AUTS2: variants seen among roughly 807,000 people sequenced by gnomAD.
AUTS2 encodes autism susceptibility gene 2 protein.
In AUTS2, 17 loss-of-function variants were observed where a neutral mutation model predicts 112.4. That is an observed-to-expected ratio of 0.15 (90% CI 0.10 to 0.23). The LOEUF (loss-of-function observed/expected upper bound fraction) is 0.23, where lower values mean the gene tolerates loss of function less well. AUTS2 is among the 10% of genes least tolerant of loss of function. AUTS2 has a pLI of 1.00. For synonymous variants in AUTS2, 751 were observed against 702.7 expected, an observed-to-expected ratio of 1.07 and a Z score of -1.09; for missense variants, 1,510 against 1,701.6, an observed-to-expected ratio of 0.89 and a Z score of 1.98.
chr7:70,647,841 A>T (rs1806255869), intron 5 of AUTS2, among the ~76,000 whole-genome samples: 1 of 152,154 alleles, frequency 6.6e-6, no homozygotes, highest in African/African-American at 2.4e-5. Context: ...TTTCTTTGGA[A>T]CTCAGACCAT....
At chr7:70,789,568 G>A (rs1177509379) in intron 18 of AUTS2, among the ~76,000 whole-genome samples, 180 bp from the exon 19 acceptor site, 1 of 152,060 alleles carries the variant, frequency 6.6e-6, no homozygotes, top group East Asian at 1.9e-4. Context: ...CTAAAATCTA[G>A]GTAAGTAGGA....
In AUTS2 at chr7:70,082,436, GT is replaced by G. The variant is rs1223509790; in HGVS notation, c.523-35690del. Among the ~76,000 whole-genome samples the G allele has an allele frequency of 2.6e-5, 4 of 152,162 alleles. No homozygotes were observed. In the East Asian group the frequency reaches 7.7e-4, roughly 29 times the overall value. ...GAGGGGAGGTTTTACTTGTGCATAT[GT>G]TTTTTAAATATTTATAGATACAGCT... On this transcript the variant is annotated intron_variant, in intron 2 of 18. Transcript: ENST00000342771.
intron 5 of AUTS2, among the ~76,000 whole-genome samples, chr7:70,471,941 G>A (rs1018761888): frequency 1.3e-5 from 2 of 152,048 alleles, no homozygotes; most frequent in Non-Finnish European, 2.9e-5. Context: ...AGAGTGGAGA[G>A]GGGGAGAGCC....
intron 5 of AUTS2, among the ~76,000 whole-genome samples, chr7:70,653,485 A>G (rs1249768283): frequency 6.6e-6 from 1 of 152,116 alleles, no homozygotes; most frequent in Non-Finnish European, 1.5e-5. Context: ...TTAAAATCCT[A>G]TACCTCTCTG....
intron 5 of AUTS2, among the ~76,000 whole-genome samples, chr7:70,530,704 A>G (rs1316931962): frequency 6.6e-6 from 1 of 152,038 alleles, no homozygotes; most frequent in Non-Finnish European, 1.5e-5. Flanking sequence ...CTTTACCACT[A>G]GCAAAAGGGA....
intron 2 of AUTS2, among the ~76,000 whole-genome samples, chr7:69,933,684 G>A (rs1416685315): frequency 1.3e-5 from 2 of 151,530 alleles, no homozygotes; most frequent in Non-Finnish European, 2.9e-5. Flanking sequence ...TTTGTTTTTT[G>A]GTAGGGAGGG....
chr7:70,601,752 A>G (rs1340094693), intron 5 of AUTS2, among the ~76,000 whole-genome samples: 1 of 152,096 alleles, frequency 6.6e-6, no homozygotes, highest in Middle Eastern at 3.4e-3. Context: ...ACACACCTGT[A>G]AGAGGGGATC....
chr7:70,488,565 C>T lies in AUTS2; in HGVS notation c.690+52784C>T, dbSNP rs200719582. Among the ~76,000 whole-genome samples the T allele has an allele frequency of 6.6e-5, 10 of 152,278 alleles. No homozygotes were observed. The East Asian group carries it at 1.9e-3, about 29-fold the overall frequency. On this transcript the variant is annotated intron_variant, in intron 5 of 18. Transcript: ENST00000342771. ...AGTCAGACCTTCTTAGCCCTGAAAG[C>T]TGCAGGCCAAGCCTTAATGGGCCTC...
At chr7:70,529,842 C>T (rs574267676) in intron 5 of AUTS2, among the ~76,000 whole-genome samples, 4 of 152,256 alleles carry the variant, frequency 2.6e-5, no homozygotes, top group Admixed American at 6.5e-5. Context: ...GAATAGTATC[C>T]AGAAGCTCAC....
chr7:70,761,986 C>T lies in AUTS2; in HGVS notation c.743-884C>T, dbSNP rs532626617. Reference sequence around the variant, plus strand: ...CTCAGAAGTTGCTGGGATCAGGTGACGGGCATTAAGAGACCTGCCTTTTCA... The same window carrying T: ...CTCAGAAGTTGCTGGGATCAGGTGATGGGCATTAAGAGACCTGCCTTTTCA... On this transcript the variant is annotated intron_variant, in intron 6 of 18. Transcript: ENST00000342771. Among the ~76,000 whole-genome samples the T allele has an allele frequency of 9.2e-5, 14 of 152,152 alleles. No individual in the cohort carries two copies. In the South Asian group the frequency reaches 1.7e-3, roughly 18 times the overall value.
chr7:70,665,863 A>G (rs1462306374), intron 5 of AUTS2, among the ~76,000 whole-genome samples: 1 of 152,228 alleles, frequency 6.6e-6, no homozygotes, highest in East Asian at 1.9e-4. Flanking sequence ...GTGTCCTGGA[A>G]CCAATTCTTC....
At chr7:70,300,965 A>G (rs973509928) in intron 4 of AUTS2, among the ~76,000 whole-genome samples, 23 of 152,192 alleles carry the variant, frequency 1.5e-4, no homozygotes, top group Admixed American at 1.4e-3. Flanking sequence ...TTAAGAGTCT[A>G]TATTTACATG....
intron 1 of AUTS2, among the ~76,000 whole-genome samples, chr7:69,694,025 G>T (rs1331294250): frequency 6.6e-6 from 1 of 152,128 alleles, no homozygotes; most frequent in Non-Finnish European, 1.5e-5. Flanking sequence ...AATTTCATGG[G>T]CAACACTAGG....
intron 4 of AUTS2, chr7:70,291,051 C>A (rs1156432519): frequency 6.6e-6 from 1 of 152,140 alleles, no homozygotes; most frequent in Non-Finnish European, 1.5e-5. Context: ...TGCCTAAATA[C>A]ACATTTCTCC....
chr7:70,054,550 T>TA (rs1801906727), intron 2 of AUTS2, among the ~76,000 whole-genome samples: 1 of 152,190 alleles, frequency 6.6e-6, no homozygotes, highest in African/African-American at 2.4e-5. Flanking sequence ...AAGCTCCTGA[T>TA]ATACTGGTTA....
intron 2 of AUTS2, among the ~76,000 whole-genome samples, chr7:70,094,136 A>C (rs1804065528): frequency 1.3e-5 from 2 of 152,186 alleles, no homozygotes; most frequent in South Asian, 4.1e-4. Context: ...TATAATAACC[A>C]ACTACGAAAA....
chr7:70,153,187 T>C (rs1807540873), intron 4 of AUTS2, among the ~76,000 whole-genome samples: 1 of 152,192 alleles, frequency 6.6e-6, no homozygotes, highest in Non-Finnish European at 1.5e-5. Context: ...ATTATCAACT[T>C]AATGAATGAA....
intron 4 of AUTS2, among the ~76,000 whole-genome samples, chr7:70,224,454 T>C (rs988813170): frequency 1.3e-5 from 2 of 152,078 alleles, no homozygotes; most frequent in Non-Finnish European, 2.9e-5. Context: ...AATATGGATA[T>C]AAAGGAAGAA....
At chr7:70,083,033 A>G (rs907379455) in intron 2 of AUTS2, among the ~76,000 whole-genome samples, 6 of 152,152 alleles carry the variant, frequency 3.9e-5, no homozygotes, top group South Asian at 2.1e-4. Flanking sequence ...TCCTTCTTCA[A>G]ATTTCATAAA....
Sources: allele counts gnomAD v4.1 joint callset (sites outside exome capture counted in the v4.1 genomes callset), GRCh38; gene constraint gnomAD v4.1.1; transcripts MANE v1.5; gene names NCBI Gene and HGNC (gene_info 2026-07-23, HGNC 2026-07-21).